The following SLFN14 variants were observed in gnomAD, a reference collection of about 807,000 sequenced individuals.
SLFN14 encodes schlafen family member 14, also known as protein SLFN14.
SLFN14 carries 47 observed loss-of-function variants against 58.6 expected under a neutral mutation model. The ratio of observed to expected loss-of-function variants is 0.80; its 90% CI spans 0.64 to 1.02. The LOEUF is 1.02. Among genes scored for constraint, SLFN14 ranks in the 50% least tolerant of loss-of-function variants. The pLI, the probability that SLFN14 is intolerant of heterozygous loss-of-function variation, is 0.00. For missense variants in SLFN14, 967 were observed against 1,078.4 expected (o/e 0.90, Z 1.45); for synonymous variants, 390 against 387.3 (o/e 1.01, Z -0.08).
intron 5 of SLFN14, among the ~76,000 whole-genome samples, chr17:35,549,401 T>A (rs1025455123): frequency 1.3e-5 from 2 of 152,230 alleles, no homozygotes; most frequent in African/African-American, 2.4e-5. Context: ...CTAAAGGAAA[T>A]CTCAAAGTTA....
Position 35,547,314 on chromosome 17 carries a change from T to C in SLFN14, c.*925A>G, listed in dbSNP as rs1343408134. 1.3e-5 allele frequency among the ~76,000 whole-genome samples: 2 copies of C among 152,248 alleles called. No individual in the cohort carries two copies. The highest frequency in any genetic ancestry group is 4.8e-5 in the African/African-American group (2 of 41,462). ...TTTATTTTAGAAATTATTGCAATCT[T>C]ATTTTATATTAAGTTGGTGCAAAAG... On this transcript the variant is annotated 3_prime_UTR_variant, in exon 6 of 6. Coordinates refer to ENST00000674182, the MANE Select transcript of SLFN14 (RefSeq NM_001129820.2).
intron 5 of SLFN14, among the ~76,000 whole-genome samples, chr17:35,550,993 T>C (rs561067547): frequency 3.9e-5 from 6 of 152,286 alleles, no homozygotes; most frequent in African/African-American, 1.2e-4. Context: ...TAAAGCAGAA[T>C]GGGTTCATTT....
At position 35,557,156 on chromosome 17, in the gene SLFN14, C is replaced by A; in HGVS notation, c.907G>T (p.Asp303Tyr). 2 of 1,551,728 alleles carry A rather than the reference C, an allele frequency of 1.3e-6. No individual in the cohort carries two copies. The highest frequency in any genetic ancestry group is 8.7e-7 in the Non-Finnish European group (1 of 1,146,994). Residue 303 changes from aspartate (D) to tyrosine (Y), a missense_variant, in exon 3 of 6, where the codon GAT becomes TAT. Coordinates refer to ENST00000674182, the MANE Select transcript of SLFN14 (RefSeq NM_001129820.2). ...TTKILNVYQK[D>Y]VLDGYVCVIQ... ...ACACAGACATAACCATCCAGGACAT[C>A]TTTTTGGTACACATTCAGGATTTTT...
rs1176545044 is a variant in SLFN14 at position 35,545,191 on chromosome 17, C to T, written c.*3048G>A. Among the ~76,000 whole-genome samples, 1 of 152,182 alleles carries T rather than the reference C, an allele frequency of 6.6e-6. No individual in the cohort carries two copies. Among genetic ancestry groups the T allele is most frequent in the African/African-American group, 2.4e-5 (1 of 41,442 alleles). On this transcript the variant is annotated 3_prime_UTR_variant, in exon 6 of 6. Transcript: ENST00000674182. ...TTATTACAGTGTTAAAGATTATTCT[C>T]CACACTGACTTCTTTGAAATCTCTA...
At chr17:35,553,601 A>T in intron 4 of SLFN14, 157 bp from the exon 5 acceptor site, 3 of 633,112 alleles carry the variant, frequency 4.7e-6, no homozygotes, top group Non-Finnish European at 7.9e-6. Flanking sequence ...TTACTCCCCA[A>T]CTCTCCCCCA....
intron 3 of SLFN14, among the ~76,000 whole-genome samples, chr17:35,556,411 T>C (rs956129314): frequency 6.6e-6 from 1 of 152,166 alleles, no homozygotes; most frequent in African/African-American, 2.4e-5. Flanking sequence ...GCCTGCACAA[T>C]TTTTTCAACA....
intron 3 of SLFN14, among the ~76,000 whole-genome samples, chr17:35,556,192 C>CA (rs1245498513): frequency 6.6e-6 from 1 of 151,978 alleles, no homozygotes; most frequent in Non-Finnish European, 1.5e-5. Flanking sequence ...CATACACCAC[C>CA]ACGCCTGGCT....
chr17:35,554,885 C>G, intron 3 of SLFN14, 181 bp from the exon 4 acceptor site: 1 of 413,686 alleles, frequency 2.4e-6, no homozygotes, highest in Non-Finnish European at 4.1e-6. Context: ...CTGGGGATTC[C>G]TACAGGGGAC....
In SLFN14 at chr17:35,548,969, T is replaced by C; in HGVS notation, c.2009A>G (p.Lys670Arg). The C allele has an allele frequency of 6.4e-7, 1 of 1,551,720 alleles. No individual in the cohort carries two copies. Among genetic ancestry groups the C allele is most frequent in the South Asian group, 1.2e-5 (1 of 84,068 alleles). ...AGCCTTCATGTACCAATTGCCATAT[T>C]TGCTGCAGAAATTCTCAGTCTCATC... ...VMDETENFCS[K>R]YGNWYMKAKN... The change falls in exon 6 of 6, where the codon AAA becomes AGA. Residue 670 changes from lysine to arginine, a missense_variant. Physicochemically the swap from Lys to Arg is conservative, Grantham distance 26 (BLOSUM62 2). Transcript: ENST00000674182.
rs573112945 is a variant in SLFN14, at chr17:35,545,351, A to C, written c.*2888T>G. 1.3e-5 allele frequency among the ~76,000 whole-genome samples: 2 copies of C among 152,214 alleles called. No homozygotes were observed. Among genetic ancestry groups the C allele is most frequent in the Non-Finnish European group, 2.9e-5 (2 of 68,032 alleles). On this transcript the variant is annotated 3_prime_UTR_variant, in exon 6 of 6. Transcript: ENST00000674182. ...TGTACTAGTTGCTCTAGGGGAAATAAGGATGTGTAAGTGACTCATCCTCTT... is the reference window on the plus strand; with the variant it reads ...TGTACTAGTTGCTCTAGGGGAAATACGGATGTGTAAGTGACTCATCCTCTT...
Position 35,548,162 on chromosome 17 carries a change from T to C in SLFN14, c.*77A>G, listed in dbSNP as rs1007094416. ...GCCTTGATTTCCTCACTTGTAATATTAAAATGGAGTCACTGCTACCTGTCT... is the reference window on the plus strand; with the variant it reads ...GCCTTGATTTCCTCACTTGTAATATCAAAATGGAGTCACTGCTACCTGTCT... On this transcript the variant is annotated 3_prime_UTR_variant, in exon 6 of 6. Transcript: ENST00000674182. The C allele has an allele frequency of 1.5e-5, 20 of 1,351,714 alleles. No homozygotes were observed. In the East Asian group the frequency reaches 1.5e-4, roughly 10 times the overall value. 83.7% of individuals were successfully genotyped at this position (1,351,714 alleles called of 1,614,324 possible). A position where few individuals can be genotyped will look rare whatever the true frequency, so the allele number is the denominator to read the frequency against.
In SLFN14 at chr17:35,548,387, C is replaced by T. The variant is rs2072551382; in HGVS notation, c.2591G>A (p.Ser864Asn). The T allele has an allele frequency of 1.3e-6, 2 of 1,551,730 alleles. No homozygotes were observed. The highest frequency in any genetic ancestry group is 1.7e-6 in the Non-Finnish European group (2 of 1,147,004). ...CTCCAGGCCTGAAAATTGCTGAATA[C>T]TGTCTAAAACAATGTGACTTCCCCA... ...GVWGSHIVLDSIQQFSGLERT... is the reference protein window; with the variant it reads ...GVWGSHIVLDNIQQFSGLERT... The change falls in exon 6 of 6, where the codon AGT becomes AAT. Residue 864 changes from serine (S) to asparagine (N), a missense_variant. Transcript: ENST00000674182.
At position 35,548,494 on chromosome 17, in the gene SLFN14, A is replaced by T. The variant is rs916416052; in HGVS notation, c.2484T>A (p.Tyr828Ter). Residue 828 changes from tyrosine to a stop codon, truncating the protein, a stop_gained, in exon 6 of 6, where the codon TAT becomes TAA. Coordinates refer to ENST00000674182, the MANE Select transcript of SLFN14 (RefSeq NM_001129820.2). LOFTEE classifies it high-confidence loss of function. The stretch of plus-strand genomic sequence containing the variant: ...CCATTGCTTTGAGTAGTGCAAGCCT[A>T]TAGCGTCCTCTGTCCTCCCCTCTCC... ...LCRRGEDRGR[Y>*]RLALLKAMEL... The T allele has an allele frequency of 3.2e-5, 50 of 1,551,736 alleles. No individual in the cohort carries two copies. The highest frequency in any genetic ancestry group is 4.4e-5 in the Non-Finnish European group (50 of 1,146,992).
chr17:35,554,750 TAAA>T (rs10578465), intron 3 of SLFN14, 46 bp from the exon 4 acceptor site: 445,356 of 1,036,942 alleles, frequency 0.43, 46,664 homozygotes, highest in African/African-American at 0.57. Flanking sequence ...AATAAAAAGT[TAAA>T]AAAAAAAAAA....
At chr17:35,549,851 G>A (rs2072568976) in intron 5 of SLFN14, among the ~76,000 whole-genome samples, 1 of 152,120 alleles carries the variant, frequency 6.6e-6, no homozygotes, top group Non-Finnish European at 1.5e-5. Flanking sequence ...TTTGGACTGT[G>A]TGGACTCAAA....
Position 35,548,067 on chromosome 17 carries a change from A to G in SLFN14, c.*172T>C, listed in dbSNP as rs1380928735. ...AGGTGAAGGAAATTGTGAAAAGGCC[A>G]GTGGCATTGAAATAGAGTGGAAGGC... On this transcript the variant is annotated 3_prime_UTR_variant, in exon 6 of 6. Coordinates refer to ENST00000674182, the MANE Select transcript of SLFN14 (RefSeq NM_001129820.2). 6 of 648,860 alleles carry G rather than the reference A, an allele frequency of 9.2e-6. No individual in the cohort carries two copies. Among genetic ancestry groups the G allele is most frequent in the Non-Finnish European group, 7.8e-6 (3 of 382,360 alleles). The allele number at this position is 648,860 out of a possible 1,614,324, so 40.2% of individuals were successfully genotyped here.
In SLFN14 at chr17:35,559,457, C is replaced by A. The variant is rs949803852; in HGVS notation, c.-45+270G>T. On this transcript the variant is annotated intron_variant, in intron 2 of 5. Coordinates refer to ENST00000674182, the MANE Select transcript of SLFN14 (RefSeq NM_001129820.2). ...ATAGTTCTGCCCTGTGCTGTGGAAA[C>A]CCCTAAGACTTGGAAAAGAACATGA... Among the ~76,000 whole-genome samples, 70 of 152,190 alleles carry A rather than the reference C, an allele frequency of 4.6e-4. 2 individuals carry two copies. The highest frequency in any genetic ancestry group is 4.3e-3 in the Admixed American group (66 of 15,272).
chr17:35,555,655 T>G (rs565785006), intron 3 of SLFN14, among the ~76,000 whole-genome samples: 1 of 152,092 alleles, frequency 6.6e-6, no homozygotes, highest in East Asian at 1.9e-4. Context: ...AGAAGTGAAC[T>G]CAAACAAATT....
Position 35,553,220 on chromosome 17 carries a change from T to C in SLFN14, c.1414A>G (p.Ile472Val). The C allele has an allele frequency of 6.4e-7, 1 of 1,551,658 alleles. No individual in the cohort carries two copies. Among genetic ancestry groups the C allele is most frequent in the Non-Finnish European group, 8.7e-7 (1 of 1,146,978 alleles). ...CCAGGCCAATTGGGGTCTATTAAGA[T>C]TGTATAGAGTACCACGGGGCTGTTA... ...AVNSPVVLYT[I>V]LIDPNWPGGL... is the part of the protein sequence containing the mutation. The change falls in exon 5 of 6, where the codon ATC becomes GTC. Residue 472 changes from isoleucine (I) to valine (V), a missense_variant. Ile to Val is a conservative substitution (Grantham distance 29). Coordinates refer to ENST00000674182, the MANE Select transcript of SLFN14 (RefSeq NM_001129820.2).
Sources: gnomAD v4.1 joint callset for allele counts (sites outside exome capture counted in the v4.1 genomes callset) on GRCh38, gnomAD v4.1.1 for gene constraint, MANE v1.5 for transcripts, NCBI Gene and HGNC (gene_info 2026-07-23, HGNC 2026-07-21) for gene names.